The following ATF7IP variants were observed in gnomAD, a reference collection of about 807,000 sequenced individuals.
ATF7IP encodes activating transcription factor 7-interacting protein 1.
Under a neutral mutation model 106.4 loss-of-function variants are expected in ATF7IP, and 23 were observed. The ratio of observed to expected loss-of-function variants is 0.22; its 90% CI spans 0.16 to 0.31. The LOEUF (loss-of-function observed/expected upper bound fraction) is 0.31. Among genes scored for constraint, ATF7IP ranks in the 10% least tolerant of loss-of-function variants. The pLI, the probability that ATF7IP is intolerant of heterozygous loss-of-function variation, is 1.00. For missense variants in ATF7IP, 1,334 were observed against 1,524.3 expected (o/e 0.88, Z 2.08); for synonymous variants, 542 against 539.0 (o/e 1.01, Z -0.08).
chr12:14,482,395 TC>T, intron 13 of ATF7IP: 1 of 154,276 alleles, frequency 6.5e-6, no homozygotes, highest in Non-Finnish European at 1.4e-5. Flanking sequence ...CCAGACTGAA[TC>T]CCCAAACTGA....
At chr12:14,448,893 A>G (rs1007087405) in intron 6 of ATF7IP, among the ~76,000 whole-genome samples, 3 of 152,058 alleles carry the variant, frequency 2.0e-5, no homozygotes, top group Admixed American at 6.6e-5. Flanking sequence ...GCATTTCTCT[A>G]ATGACTAGTG....
At chr12:14,432,801 C>T (rs564009987) in intron 2 of ATF7IP, among the ~76,000 whole-genome samples, 1 of 152,098 alleles carries the variant, frequency 6.6e-6, no homozygotes, top group South Asian at 2.1e-4. Flanking sequence ...AGTTGCAGAA[C>T]GTGATGAAAC....
chr12:14,444,787 A>C (rs1216976062), intron 5 of ATF7IP, among the ~76,000 whole-genome samples: 1 of 152,142 alleles, frequency 6.6e-6, no homozygotes, highest in African/African-American at 2.4e-5. Flanking sequence ...CCACAAATGT[A>C]TGTGATGTGA....
chr12:14,447,813 A>G (rs1002830713), intron 6 of ATF7IP, among the ~76,000 whole-genome samples: 8 of 152,154 alleles, frequency 5.3e-5, no homozygotes, highest in Non-Finnish European at 1.5e-5. Context: ...TGTAATATAC[A>G]GAGATTAGAT....
chr12:14,365,929 C>G (rs550439295), intron 1 of ATF7IP, 102 bp downstream of exon 1: 1 of 152,374 alleles, frequency 6.6e-6, no homozygotes, highest in Non-Finnish European at 1.5e-5. Context: ...GGAGTTGTGT[C>G]TGCGCCTGCG....
At chr12:14,373,742 TTATAG>T (rs748279167) in intron 1 of ATF7IP, among the ~76,000 whole-genome samples, 7 of 152,186 alleles carry the variant, frequency 4.6e-5, no homozygotes, top group African/African-American at 7.2e-5. Context: ...TTAGGTTCAG[TTATAG>T]TATAACTGTA....
rs903998940 is a variant in ATF7IP at position 14,502,807 on chromosome 12, CGTGT to C, written c.*4741_*4744del. On this transcript the variant is annotated 3_prime_UTR_variant, in exon 15 of 15. Coordinates refer to ENST00000261168, the MANE Select transcript of ATF7IP (RefSeq NM_018179.5). ...GAAGGTTTGTGTGTGTGTGTGCGTGCGTGTGTGTGTTTTTCTTTTTTAAATGTAT... is the reference window on the plus strand; with the variant it reads ...GAAGGTTTGTGTGTGTGTGTGCGTGCGTGTGTTTTTCTTTTTTAAATGTAT... 4.0e-5 allele frequency: 6 copies of C among 151,494 alleles called. No homozygotes were observed. The highest frequency in any genetic ancestry group is 1.9e-4 in the East Asian group (1 of 5,160). The allele number at this position is 151,494 out of a possible 1,614,324, so 9.4% of individuals were successfully genotyped here.
chr12:14,391,379 C>G (rs1939539755), intron 1 of ATF7IP, among the ~76,000 whole-genome samples: 1 of 152,198 alleles, frequency 6.6e-6, no homozygotes. Context: ...GCCAGTAGAA[C>G]TATCTGACTC....
At chr12:14,481,657 T>G in intron 13 of ATF7IP, 1 of 436,350 alleles carries the variant, frequency 2.3e-6, no homozygotes, top group South Asian at 1.7e-5. Context: ...ATTTGTGCTC[T>G]GAGTGTTGTC....
At chr12:14,477,522 T>C (rs1362165186) in intron 11 of ATF7IP, among the ~76,000 whole-genome samples, 1 of 152,210 alleles carries the variant, frequency 6.6e-6, no homozygotes, top group Non-Finnish European at 1.5e-5. Flanking sequence ...AAAAGTAAAG[T>C]CCTAAAAGTT....
intron 9 of ATF7IP, among the ~76,000 whole-genome samples, chr12:14,465,892 C>T (rs912737418): frequency 6.6e-6 from 1 of 152,076 alleles, no homozygotes; most frequent in Non-Finnish European, 1.5e-5. Flanking sequence ...ACAGGAAACC[C>T]TAAATAATCT....
At chr12:14,401,954 C>A (rs982416132) in intron 1 of ATF7IP, among the ~76,000 whole-genome samples, 7 of 151,416 alleles carry the variant, frequency 4.6e-5, no homozygotes, top group African/African-American at 1.7e-4. Context: ...CCTCGTGATG[C>A]GCTTGCCTCG....
intron 1 of ATF7IP, among the ~76,000 whole-genome samples, chr12:14,378,965 G>C (rs1456319013): frequency 6.6e-6 from 1 of 152,204 alleles, no homozygotes; most frequent in Non-Finnish European, 1.5e-5. Flanking sequence ...CATTGCTCCT[G>C]TGTGGCTTAG....
intron 4 of ATF7IP, 30 bp from the exon 5 acceptor site, chr12:14,438,100 G>C (rs1942499038): frequency 1.3e-6 from 2 of 1,599,974 alleles, no homozygotes; most frequent in South Asian, 2.2e-5. Flanking sequence ...ATGCCTTCTT[G>C]GCATAATGAA....
intron 13 of ATF7IP, among the ~76,000 whole-genome samples, chr12:14,484,259 G>A (rs771110842): frequency 6.6e-5 from 10 of 152,142 alleles, no homozygotes; most frequent in Non-Finnish European, 1.2e-4. Flanking sequence ...TGCCACCATG[G>A]CTACCTTGTT....
chr12:14,495,924 G>A (rs1361322727), intron 13 of ATF7IP, among the ~76,000 whole-genome samples: 1 of 152,088 alleles, frequency 6.6e-6, no homozygotes, highest in Non-Finnish European at 1.5e-5. Context: ...TGGACCTCCT[G>A]TTGCTTGTGT....
rs780272914 is a variant in ATF7IP at position 14,496,215 on chromosome 12, TTTTG to T, written c.3281-6_3281-3del. On this transcript the variant is annotated splice_polypyrimidine_tract_variant and intron_variant, in intron 13 of 14. Transcript: ENST00000261168. ...GAATTATCATTTTATCCTGTAATTTTTTTGTTTGTTTGTAGGTGTTACAGTTCGA... is the reference window on the plus strand; with the variant it reads ...GAATTATCATTTTATCCTGTAATTTTTTTGTTTGTAGGTGTTACAGTTCGA... The T allele has an allele frequency of 4.7e-5, 70 of 1,491,624 alleles. No homozygotes were observed. The highest frequency in any genetic ancestry group is 1.7e-4 in the Middle Eastern group (1 of 5,832). The allele number at this position is 1,491,624 out of a possible 1,614,324, so 92.4% of individuals were successfully genotyped here. A position where few individuals can be genotyped will look rare whatever the true frequency, so the allele number is the denominator to read the frequency against.
At chr12:14,471,537 A>C (rs1012598177) in intron 10 of ATF7IP, among the ~76,000 whole-genome samples, 1 of 151,192 alleles carries the variant, frequency 6.6e-6, no homozygotes, top group South Asian at 2.1e-4. Context: ...TTACAGCAGC[A>C]TTTTTTTTTA....
intron 6 of ATF7IP, among the ~76,000 whole-genome samples, chr12:14,452,308 G>A (rs75116865): frequency 0.019 from 2,890 of 152,204 alleles, 94 homozygotes; most frequent in African/African-American, 0.066. Context: ...TCAACCTGTC[G>A]TTTGATTGGA....
Sources: gnomAD v4.1 joint callset for allele counts (sites outside exome capture counted in the v4.1 genomes callset) on GRCh38, gnomAD v4.1.1 for gene constraint, MANE v1.5 for transcripts, NCBI Gene and HGNC (gene_info 2026-07-23, HGNC 2026-07-21) for gene names.